The following NCOA2 variants were observed in gnomAD, a reference collection of about 807,000 sequenced individuals.
The protein encoded by NCOA2 is nuclear receptor coactivator 2, also known as class E basic helix-loop-helix protein 75.
In NCOA2, 21 loss-of-function variants were observed where a neutral mutation model predicts 145.1. That is an observed-to-expected ratio of 0.14 (90% CI 0.10 to 0.21). NCOA2 has a LOEUF of 0.21. NCOA2 is among the 10% of genes least tolerant of loss of function. The pLI is 1.00. For synonymous variants in NCOA2, 619 were observed against 637.5 expected, an observed-to-expected ratio of 0.97 and a Z score of 0.44; for missense variants, 1,472 against 1,837.6, an observed-to-expected ratio of 0.80 and a Z score of 3.64.
rs775023001 is a variant in NCOA2, at chr8:70,338,246, AAAT to A, written c.-76-41449_-76-41447del. ...AGAAGAATCAAATAAGCACAATCAG[AAAT>A]AATAAGGCGATTATCACAACAGACC... is the stretch of plus-strand genomic sequence containing the variant. On this transcript the variant is annotated intron_variant, in intron 1 of 22. Transcript: ENST00000452400. 4.1e-4 allele frequency among the ~76,000 whole-genome samples: 62 copies of A among 152,298 alleles called. 1 individual carries two copies. In the Middle Eastern group the frequency reaches 0.01, roughly 25 times the overall value.
At chr8:70,432,903 T>A in the NCOA2 span, among the ~76,000 whole-genome samples, 46 of 152,346 alleles carry the variant, frequency 3.0e-4, no homozygotes, top group Non-Finnish European at 6.0e-4. Flanking sequence ...TTAATCTATT[T>A]CTTTCAGTGA....
intron 1 of NCOA2, among the ~76,000 whole-genome samples, chr8:70,330,270 A>G (rs1806976764): frequency 6.6e-6 from 1 of 152,182 alleles, no homozygotes; most frequent in Admixed American, 6.6e-5. Context: ...AATAAGGAAC[A>G]CAGTGGAATA....
intron 1 of NCOA2, among the ~76,000 whole-genome samples, chr8:70,384,145 T>C (rs959484799): frequency 2.1e-4 from 32 of 152,274 alleles, no homozygotes; most frequent in Middle Eastern, 3.4e-3. Flanking sequence ...ATGATTAGAT[T>C]TAATTAAACT....
chr8:70,219,314 A>G (rs1819928050), intron 2 of NCOA2, among the ~76,000 whole-genome samples: 1 of 152,158 alleles, frequency 6.6e-6, no homozygotes, highest in Non-Finnish European at 1.5e-5. Flanking sequence ...TTTCCCTTTT[A>G]TTATGTAGTG....
chr8:70,337,320 T>C (rs1746192200), intron 1 of NCOA2, among the ~76,000 whole-genome samples: 1 of 152,048 alleles, frequency 6.6e-6, no homozygotes, highest in Non-Finnish European at 1.5e-5. Context: ...CCAAGGTCCC[T>C]TGTCTGGTCA....
chr8:70,190,193 T>A (rs1268541635), intron 4 of NCOA2, among the ~76,000 whole-genome samples: 1 of 152,208 alleles, frequency 6.6e-6, no homozygotes, highest in Non-Finnish European at 1.5e-5. Flanking sequence ...AAATTAGACT[T>A]ACAAATCTCA....
intron 2 of NCOA2, among the ~76,000 whole-genome samples, chr8:70,233,914 T>C (rs753286057): frequency 6.6e-6 from 1 of 152,152 alleles, no homozygotes; most frequent in African/African-American, 2.4e-5. Flanking sequence ...CATTAAAAAG[T>C]AGTTTTAGTG....
chr8:70,443,246 G>A, the NCOA2 span, among the ~76,000 whole-genome samples: 1 of 151,968 alleles, frequency 6.6e-6, no homozygotes. Flanking sequence ...GCGCATGCCT[G>A]TGGTCCTAGC....
chr8:70,147,434 C>CT (rs1811225667), intron 12 of NCOA2, among the ~76,000 whole-genome samples: 1 of 152,244 alleles, frequency 6.6e-6, no homozygotes, highest in Non-Finnish European at 1.5e-5. Flanking sequence ...CAGGTATTGG[C>CT]TCAAATTGTA....
chr8:70,309,953 G>A (rs978062601), intron 1 of NCOA2, among the ~76,000 whole-genome samples: 5 of 150,750 alleles, frequency 3.3e-5, no homozygotes, highest in Non-Finnish European at 5.9e-5. Flanking sequence ...ACCCTGTCTC[G>A]AAAACAAACA....
intron 4 of NCOA2, among the ~76,000 whole-genome samples, chr8:70,210,521 A>G (rs1329817153): frequency 2.0e-5 from 3 of 152,226 alleles, no homozygotes; most frequent in East Asian, 1.9e-4. Context: ...TTGGAGGGCT[A>G]GCGTTTATGA....
intron 1 of NCOA2, among the ~76,000 whole-genome samples, chr8:70,307,220 C>CAAAAAAAAAAAAA (rs57161747): frequency 8.5e-4 from 61 of 71,518 alleles, no homozygotes; most frequent in East Asian, 2.5e-3. Context: ...CCTACATAAG[C>CAAAAAAAAAAAAA]AAAAAAAAAA....
intron 1 of NCOA2, among the ~76,000 whole-genome samples, chr8:70,355,745 C>T (rs1445380095): frequency 1.3e-5 from 2 of 152,026 alleles, no homozygotes; most frequent in African/African-American, 4.8e-5. Flanking sequence ...TGCCTGAAGC[C>T]CTAGGCTAAG....
Position 70,162,734 on chromosome 8 carries a change from T to C in NCOA2, c.953A>G (p.Tyr318Cys), listed in dbSNP as rs910466736. The C allele has an allele frequency of 1.9e-6, 3 of 1,613,386 alleles. No individual in the cohort carries two copies. Among genetic ancestry groups the C allele is most frequent in the Admixed American group, 3.3e-5 (2 of 59,862 alleles). The change falls in exon 9 of 23, where the codon TAT becomes TGT. Residue 318 changes from tyrosine to cysteine, a missense_variant. Physicochemically the swap from Tyr to Cys is radical, Grantham distance 194. Transcript: ENST00000452400. Reference protein sequence around the residue: ...HAQHEGESVSYAKRHHHEVLR... With the variant: ...HAQHEGESVSCAKRHHHEVLR... ...ACCTTCATGATGATGCCTCTTAGCA[T>C]AGGACACAGATTCTCCTTCATGCTG...
intron 4 of NCOA2, among the ~76,000 whole-genome samples, chr8:70,209,525 A>G (rs2133790904): frequency 6.6e-6 from 1 of 152,304 alleles, no homozygotes. Context: ...GTCCATCAGT[A>G]TGACAAACTT....
intron 22 of NCOA2, among the ~76,000 whole-genome samples, chr8:70,115,312 A>T (rs1236274040): frequency 6.6e-6 from 1 of 152,194 alleles, no homozygotes; most frequent in Non-Finnish European, 1.5e-5. Flanking sequence ...TCTGAGGCTT[A>T]GAAACTTTGT....
intron 1 of NCOA2, among the ~76,000 whole-genome samples, chr8:70,343,260 C>A (rs545323286): frequency 6.6e-6 from 1 of 152,128 alleles, no homozygotes; most frequent in Admixed American, 6.6e-5. Flanking sequence ...CTACTTATGC[C>A]TTTTCAGGTT....
intron 4 of NCOA2, 113 bp downstream of exon 4, chr8:70,213,790 T>A: frequency 1.2e-6 from 1 of 850,888 alleles, no homozygotes; most frequent in Non-Finnish European, 1.8e-6. Flanking sequence ...CATCATTTCC[T>A]CATCAATAAT....
At chr8:70,211,562 G>A (rs970838892) in intron 4 of NCOA2, among the ~76,000 whole-genome samples, 1 of 152,098 alleles carries the variant, frequency 6.6e-6, no homozygotes, top group Non-Finnish European at 1.5e-5. Flanking sequence ...CATGGCTCAT[G>A]ATATCTTCAA....
Sources: gnomAD v4.1 joint callset for allele counts (sites outside exome capture counted in the v4.1 genomes callset) on GRCh38, gnomAD v4.1.1 for gene constraint, MANE v1.5 for transcripts, NCBI Gene and HGNC (gene_info 2026-07-23, HGNC 2026-07-21) for gene names.